Variants in OGDH observed in about 807,000 individuals in gnomAD.
The protein encoded by OGDH is oxoglutarate dehydrogenase.
Under a neutral mutation model 116.6 loss-of-function variants are expected in OGDH, and 38 were observed. That is an observed-to-expected ratio of 0.33 (90% confidence interval 0.25 to 0.43). The LOEUF is 0.43. Among genes scored for constraint, OGDH ranks in the 20% least tolerant of loss-of-function variants. OGDH has a pLI of 1.00. For synonymous variants in OGDH, 488 were observed against 533.3 expected (o/e 0.92, Z 1.17); for missense variants, 825 against 1,357.2 (o/e 0.61, Z 6.16).
chr7:44,640,388 A>T (rs938256480), intron 2 of OGDH, among the ~76,000 whole-genome samples: 1 of 152,152 alleles, frequency 6.6e-6, no homozygotes, highest in African/African-American at 2.4e-5. Context: ...GGAAAAGCCC[A>T]CAGAGAGCCT....
chr7:44,702,030 C>G (rs1255464211), intron 20 of OGDH, among the ~76,000 whole-genome samples: 1 of 149,884 alleles, frequency 6.7e-6, no homozygotes, highest in Non-Finnish European at 1.5e-5. Flanking sequence ...GCTATCACGC[C>G]ATTGCACTCC....
intron 2 of OGDH, among the ~76,000 whole-genome samples, chr7:44,634,812 C>G (rs1448035896): frequency 6.6e-6 from 1 of 152,142 alleles, no homozygotes; most frequent in Non-Finnish European, 1.5e-5. Flanking sequence ...ATGGAGGGTC[C>G]AGAGTCCAGC....
Position 44,675,190 on chromosome 7 carries a change from C to T in OGDH, c.948C>T (p.Asn316=), listed in dbSNP as rs372735678. Residue 316 remains asparagine, a synonymous_variant, in exon 8 of 23, where the codon AAC becomes AAT. Coordinates refer to ENST00000222673, the MANE Select transcript of OGDH (RefSeq NM_002541.4). ...CCATACGTTCCAGAGGGCGGCTGAACGTGCTTGCAAATGTCATCAGGAAGG... is the reference window on the plus strand; with the variant it reads ...CCATACGTTCCAGAGGGCGGCTGAATGTGCTTGCAAATGTCATCAGGAAGG... The part of the protein sequence containing the change: ...IMGMPHRGRL[N]VLANVIRKEL... 7.4e-6 allele frequency: 12 copies of T among 1,613,928 alleles called. No homozygotes were observed. The highest frequency in any genetic ancestry group is 4.0e-5 in the African/African-American group (3 of 74,920).
intron 4 of OGDH, among the ~76,000 whole-genome samples, chr7:44,658,435 A>G (rs1483361110): frequency 6.8e-6 from 1 of 146,938 alleles, no homozygotes; most frequent in Non-Finnish European, 1.5e-5. Flanking sequence ...TGAGATCCCG[A>G]TGAACTCATT....
At chr7:44,686,677 TTTTC>T (rs1788139595) in intron 10 of OGDH, among the ~76,000 whole-genome samples, 1 of 148,154 alleles carries the variant, frequency 6.7e-6, no homozygotes, top group Non-Finnish European at 1.5e-5. Context: ...AAGGTTTTTA[TTTTC>T]TTTTTTTCTT....
At chr7:44,676,539 A>G (rs1295866415) in intron 9 of OGDH, 1 of 247,568 alleles carries the variant, frequency 4.0e-6, no homozygotes, top group African/African-American at 2.2e-5. Context: ...TGGGCCAACA[A>G]GAGCGAAACT....
intron 10 of OGDH, among the ~76,000 whole-genome samples, chr7:44,690,803 G>A (rs932586676): frequency 1.3e-5 from 2 of 152,192 alleles, no homozygotes; most frequent in African/African-American, 4.8e-5. Context: ...TAGCAGTAAG[G>A]CATGTTATGA....
chr7:44,656,564 T>A (rs1786699881), intron 4 of OGDH, among the ~76,000 whole-genome samples: 1 of 152,206 alleles, frequency 6.6e-6, no homozygotes, highest in Non-Finnish European at 1.5e-5. Context: ...TGGTATCGTT[T>A]TGTTTCTGTT....
chr7:44,675,605 T>A (rs1334904145), intron 8 of OGDH, among the ~76,000 whole-genome samples: 2 of 152,100 alleles, frequency 1.3e-5, no homozygotes, highest in Non-Finnish European at 2.9e-5. Flanking sequence ...AGGCTGGGCA[T>A]GGTGGCTCAC....
intron 2 of OGDH, among the ~76,000 whole-genome samples, chr7:44,644,245 C>T (rs1364661918): frequency 6.6e-6 from 1 of 151,964 alleles, no homozygotes; most frequent in Non-Finnish European, 1.5e-5. Context: ...CTTTTCTTTT[C>T]TTTTTACAAT....
At chr7:44,704,637 G>A (rs118006850) in intron 20 of OGDH, among the ~76,000 whole-genome samples, 5,078 of 151,998 alleles carry the variant, frequency 0.033, 136 homozygotes, top group Middle Eastern at 0.068. Context: ...ATTTTCTCCC[G>A]TTCTATGGGT....
At position 44,681,928 on chromosome 7, in the gene OGDH, A is replaced by G; in HGVS notation, c.1335+80A>G. ...CATCTCTGAGTCATTTAGGACGTTC[A>G]CTGTTTTCTGATTATAAAAATACAT... is the stretch of plus-strand genomic sequence containing the variant. On this transcript the variant is annotated intron_variant, in intron 10 of 22. Coordinates refer to ENST00000222673, the MANE Select transcript of OGDH (RefSeq NM_002541.4). 2.6e-6 allele frequency: 4 copies of G among 1,538,734 alleles called. No individual in the cohort carries two copies. In the Middle Eastern group the frequency reaches 5.2e-4, roughly 200 times the overall value.
chr7:44,658,241 T>A (rs1040774194), intron 4 of OGDH, among the ~76,000 whole-genome samples: 1 of 152,200 alleles, frequency 6.6e-6, no homozygotes, highest in African/African-American at 2.4e-5. Flanking sequence ...GCACATAGTA[T>A]GTCTCCTCAT....
intron 4 of OGDH, 26 bp downstream of exon 4, chr7:44,647,785 C>T (rs368253442): frequency 2.0e-5 from 32 of 1,581,610 alleles, no homozygotes; most frequent in African/African-American, 1.3e-4. Context: ...CAGTCAGCTG[C>T]GTTGCTTGAG....
intron 2 of OGDH, among the ~76,000 whole-genome samples, chr7:44,629,666 G>A (rs557600902): frequency 7.7e-5 from 11 of 142,066 alleles, no homozygotes; most frequent in Admixed American, 4.5e-4. Context: ...TGCAACTTCC[G>A]CTTCCTGGGT....
At chr7:44,660,576 A>G (rs1786892281) in intron 4 of OGDH, among the ~76,000 whole-genome samples, 2 of 152,058 alleles carry the variant, frequency 1.3e-5, no homozygotes. Context: ...CATATGTTTC[A>G]TGGGTGCTTG....
At chr7:44,637,231 C>T (rs565270382) in intron 2 of OGDH, among the ~76,000 whole-genome samples, 1 of 152,310 alleles carries the variant, frequency 6.6e-6, no homozygotes, top group East Asian at 1.9e-4. Flanking sequence ...AATGTCTTCT[C>T]TCTCCTCCTC....
At chr7:44,636,965 C>T (rs1481340497) in intron 2 of OGDH, among the ~76,000 whole-genome samples, 1 of 152,124 alleles carries the variant, frequency 6.6e-6, no homozygotes, top group Non-Finnish European at 1.5e-5. Flanking sequence ...CTGCGAACCA[C>T]CCCTCCCTCT....
Position 44,698,222 on chromosome 7 carries a change from C to T in OGDH, c.2389C>T (p.Arg797Trp). The change falls in exon 18 of 23, where the codon CGG (arginine) becomes TGG (tryptophan). Residue 797 changes from arginine to tryptophan, a missense_variant. By Grantham distance (101) the Arg-to-Trp change is moderately radical. Around this residue, in one of 7 missense-constraint regions of OGDH, gnomAD observed 73 missense variants for 182.3 expected, o/e 0.40. Coordinates refer to ENST00000222673, the MANE Select transcript of OGDH (RefSeq NM_002541.4). ...AGAACATTCCTCCGCCCGCCCAGAG[C>T]GGTTCTTGCAGATGTGCAACGATGA... ...GPEHSSARPE[R>W]FLQMCNDDPD... The T allele has an allele frequency of 1.2e-6, 2 of 1,614,132 alleles. No homozygotes were observed. Among genetic ancestry groups the T allele is most frequent in the Non-Finnish European group, 1.7e-6 (2 of 1,180,038 alleles).
Sources: allele counts gnomAD v4.1 joint callset (sites outside exome capture counted in the v4.1 genomes callset), GRCh38; gene constraint gnomAD v4.1.1; regional missense constraint gnomAD v4.1.1; transcripts MANE v1.5; gene names NCBI Gene and HGNC (gene_info 2026-07-23, HGNC 2026-07-21).